Variants in TNS3 observed in about 807,000 individuals in gnomAD.
The protein encoded by TNS3 is tensin 3, also known as tensin-3.
In TNS3, 45 loss-of-function variants were observed where a neutral mutation model predicts 140.9. That is an observed-to-expected ratio of 0.32 (90% CI 0.25 to 0.41). The LOEUF (loss-of-function observed/expected upper bound fraction) is 0.41, where lower values mean the gene tolerates loss of function less well. Among genes scored for constraint, TNS3 ranks in the 10% least tolerant of loss-of-function variants. TNS3 has a pLI of 1.00. For synonymous variants in TNS3, 815 were observed against 788.4 expected, an observed-to-expected ratio of 1.03 and a Z score of -0.56; for missense variants, 1,716 against 1,906.7, an observed-to-expected ratio of 0.90 and a Z score of 1.86.
intron 4 of TNS3, among the ~76,000 whole-genome samples, chr7:47,476,750 A>G (rs765496873): frequency 1.3e-5 from 2 of 152,194 alleles, no homozygotes; most frequent in Non-Finnish European, 2.9e-5. Context: ...GCACATGCCA[A>G]TCATTGTGGT....
intron 20 of TNS3, among the ~76,000 whole-genome samples, chr7:47,334,178 T>C (rs886770913): frequency 1.3e-5 from 2 of 152,168 alleles, no homozygotes; most frequent in South Asian, 4.1e-4. Context: ...ATCAGTCTCA[T>C]GCACTGGCAC....
intron 20 of TNS3, among the ~76,000 whole-genome samples, chr7:47,319,070 G>C (rs1787577958): frequency 1.3e-5 from 2 of 152,242 alleles, no homozygotes; most frequent in Admixed American, 6.5e-5. Flanking sequence ...CTCAACAGCT[G>C]AAGTCCCGAG....
chr7:47,513,903 T>C (rs1428646380), intron 2 of TNS3, among the ~76,000 whole-genome samples: 1 of 152,238 alleles, frequency 6.6e-6, no homozygotes, highest in Non-Finnish European at 1.5e-5. Flanking sequence ...TTAAGAATCC[T>C]GGCTCCCGCT....
chr7:47,524,002 A>G (rs1302745286), intron 2 of TNS3, among the ~76,000 whole-genome samples: 2 of 152,204 alleles, frequency 1.3e-5, no homozygotes, highest in African/African-American at 4.8e-5. Flanking sequence ...GCAGGCACCC[A>G]GGCTGGAAAG....
intron 16 of TNS3, among the ~76,000 whole-genome samples, chr7:47,377,356 AG>A (rs1005539887): frequency 6.6e-6 from 1 of 152,174 alleles, no homozygotes; most frequent in African/African-American, 2.4e-5. Context: ...CCAGACTCAA[AG>A]GGCTCGACTG....
intron 1 of TNS3, among the ~76,000 whole-genome samples, chr7:47,569,557 T>TA (rs2152013794): frequency 7.1e-6 from 1 of 140,754 alleles, no homozygotes; most frequent in East Asian, 2.2e-4. Context: ...CACACATACA[T>TA]ACATATTACA....
At chr7:47,448,962 G>A (rs1012477483) in intron 4 of TNS3, among the ~76,000 whole-genome samples, 1 of 152,224 alleles carries the variant, frequency 6.6e-6, no homozygotes, top group African/African-American at 2.4e-5. Flanking sequence ...CCCATCTGTG[G>A]AGCGGGACAA....
intron 16 of TNS3, among the ~76,000 whole-genome samples, chr7:47,383,654 G>A (rs972731493): frequency 6.6e-6 from 1 of 152,160 alleles, no homozygotes; most frequent in African/African-American, 2.4e-5. Flanking sequence ...CCCGAGGCTC[G>A]CACATGCACT....
intron 2 of TNS3, among the ~76,000 whole-genome samples, chr7:47,524,694 C>G (rs370773760): frequency 2.0e-5 from 3 of 148,556 alleles, no homozygotes; most frequent in Non-Finnish European, 4.5e-5. Context: ...CCCAGCTACT[C>G]GGGAGGCTGA....
intron 1 of TNS3, among the ~76,000 whole-genome samples, chr7:47,568,831 T>G (rs1269305743): frequency 6.6e-6 from 1 of 152,250 alleles, no homozygotes; most frequent in African/African-American, 2.4e-5. Flanking sequence ...GCCAACTGTT[T>G]GACACAATGG....
chr7:47,499,496 G>T (rs1010172511), intron 3 of TNS3, among the ~76,000 whole-genome samples: 1 of 152,186 alleles, frequency 6.6e-6, no homozygotes, highest in African/African-American at 2.4e-5. Context: ...TGAATGGAGG[G>T]TAAACTGTGG....
At chr7:47,379,206 G>A (rs113281201) in intron 16 of TNS3, among the ~76,000 whole-genome samples, 1,948 of 152,332 alleles carry the variant, frequency 0.013, 43 homozygotes, top group African/African-American at 0.043. Context: ...GGTAGGGGCT[G>A]CAGACACCGA....
chr7:47,411,759 C>T lies in TNS3; in HGVS notation c.691G>A (p.Glu231Lys), dbSNP rs759568949. Residue 231 changes from glutamate to lysine, a missense_variant, in exon 13 of 31, where the codon GAG becomes AAG. Around this residue, in one of 3 missense-constraint regions of TNS3, gnomAD observed 337 missense variants for 428.9 expected, o/e 0.79. Coordinates refer to ENST00000311160, the MANE Select transcript of TNS3 (RefSeq NM_022748.12). ...ENPSRICIVI[E>K]PAQLLKGDVM... ...TCTCCCTTCAGAAGCTGGGCCGGCT[C>T]GATGACGATGCAGATCCTGCTGGGG... is the stretch of plus-strand genomic sequence containing the variant. 3 of 1,612,916 alleles carry T rather than the reference C, an allele frequency of 1.9e-6. No homozygotes were observed. The highest frequency in any genetic ancestry group is 3.3e-5 in the Admixed American group (2 of 59,922).
intron 1 of TNS3, among the ~76,000 whole-genome samples, chr7:47,558,197 C>G (rs1800247279): frequency 6.6e-6 from 1 of 152,168 alleles, no homozygotes; most frequent in African/African-American, 2.4e-5. Flanking sequence ...AGGTTCCCAA[C>G]ATAAAAGGAA....
At chr7:47,459,847 T>C (rs764798237) in intron 4 of TNS3, among the ~76,000 whole-genome samples, 2 of 152,176 alleles carry the variant, frequency 1.3e-5, no homozygotes, top group African/African-American at 4.8e-5. Flanking sequence ...CATCTGTTAA[T>C]GGATGAAATG....
intron 1 of TNS3, among the ~76,000 whole-genome samples, chr7:47,571,477 C>G (rs1800554173): frequency 6.6e-6 from 1 of 150,480 alleles, no homozygotes; most frequent in Admixed American, 6.6e-5. Context: ...TCAAAGCCAT[C>G]TGGCAGTATG....
intron 12 of TNS3, among the ~76,000 whole-genome samples, chr7:47,412,734 G>A (rs749852552): frequency 2.0e-5 from 3 of 152,152 alleles, no homozygotes; most frequent in Non-Finnish European, 4.4e-5. Flanking sequence ...CCACATTCAT[G>A]GACTCAACTG....
At chr7:47,474,718 A>C (rs1434429774) in intron 4 of TNS3, among the ~76,000 whole-genome samples, 1 of 148,928 alleles carries the variant, frequency 6.7e-6, no homozygotes, top group East Asian at 2.0e-4. Flanking sequence ...CACAGCACAG[A>C]CATGTACACA....
At chr7:47,298,643 C>T (rs570442257) in intron 23 of TNS3, among the ~76,000 whole-genome samples, 12 of 152,326 alleles carry the variant, frequency 7.9e-5, no homozygotes, top group Admixed American at 2.6e-4. Context: ...GCGATCAGGG[C>T]GCAGAACATG....
Sources: allele counts gnomAD v4.1 joint callset (sites outside exome capture counted in the v4.1 genomes callset), GRCh38; gene constraint gnomAD v4.1.1; regional missense constraint gnomAD v4.1.1; transcripts MANE v1.5; gene names NCBI Gene and HGNC (gene_info 2026-07-23, HGNC 2026-07-21).